SCHIP1: variants seen among roughly 807,000 people sequenced by gnomAD.
SCHIP1 encodes schwannomin interacting protein 1.
A neutral mutation model predicts 29.7 loss-of-function variants in SCHIP1; 8 were observed. The observed-to-expected ratio is 0.27, with a 90% CI of 0.16 to 0.49. The LOEUF (loss-of-function observed/expected upper bound fraction) is 0.49, where lower values mean the gene tolerates loss of function less well. Among genes scored for constraint, SCHIP1 ranks in the 20% least tolerant of loss-of-function variants. The probability of loss-of-function intolerance (pLI) is 0.99; values close to 1 mark genes in which losing one functional copy is unlikely to be tolerated. For missense variants in SCHIP1, 193 were observed against 294.6 expected, an observed-to-expected ratio of 0.66 and a Z score of 2.52; for synonymous variants, 76 against 94.9, an observed-to-expected ratio of 0.80 and a Z score of 1.16.
the SCHIP1 span, among the ~76,000 whole-genome samples, chr3:159,726,361 ATGT>A: frequency 6.6e-6 from 1 of 152,166 alleles, no homozygotes; most frequent in Admixed American, 6.6e-5. Flanking sequence ...AGGTGCAGAA[ATGT>A]TGCATTTTTT....
the SCHIP1 span, among the ~76,000 whole-genome samples, chr3:159,290,132 C>T: frequency 6.6e-6 from 1 of 151,362 alleles, no homozygotes; most frequent in Non-Finnish European, 1.5e-5. Context: ...CCATCGAAGA[C>T]AACTAAAAAA....
the SCHIP1 span, among the ~76,000 whole-genome samples, chr3:159,834,401 T>C: frequency 6.6e-6 from 1 of 152,224 alleles, no homozygotes; most frequent in Non-Finnish European, 1.5e-5. Context: ...ATTTAACTCA[T>C]CTTCGTCATA....
the SCHIP1 span, among the ~76,000 whole-genome samples, chr3:159,352,601 G>A: frequency 6.6e-6 from 1 of 152,196 alleles, no homozygotes; most frequent in South Asian, 2.1e-4. Flanking sequence ...ATGTAGACTT[G>A]TGTAAGCACC....
the SCHIP1 span, among the ~76,000 whole-genome samples, chr3:159,360,384 G>T: frequency 6.6e-6 from 1 of 152,260 alleles, no homozygotes; most frequent in African/African-American, 2.4e-5. Flanking sequence ...ACAGGAAATA[G>T]AACAATTCTA....
the SCHIP1 span, among the ~76,000 whole-genome samples, chr3:159,456,125 G>C: frequency 3.9e-5 from 6 of 152,134 alleles, no homozygotes; most frequent in Non-Finnish European, 7.4e-5. Flanking sequence ...TAGGATGACT[G>C]ATCACATTCC....
the SCHIP1 span, among the ~76,000 whole-genome samples, chr3:159,754,276 C>A: frequency 6.6e-6 from 1 of 152,162 alleles, no homozygotes. Context: ...ATGAGAGTTC[C>A]TTTGATCACA....
At chr3:159,741,775 G>A in the SCHIP1 span, among the ~76,000 whole-genome samples, 1 of 152,230 alleles carries the variant, frequency 6.6e-6, no homozygotes, top group Admixed American at 6.5e-5. Flanking sequence ...GGCAGCAGAG[G>A]TGGCAACCCC....
chr3:159,409,315 C>T, the SCHIP1 span, among the ~76,000 whole-genome samples: 1 of 151,804 alleles, frequency 6.6e-6, no homozygotes, highest in South Asian at 2.1e-4. Flanking sequence ...AAAAAAAAGG[C>T]ACCCAAATTA....
intron 1 of SCHIP1, among the ~76,000 whole-genome samples, chr3:159,853,629 C>T (rs919414917): frequency 4.6e-5 from 7 of 152,314 alleles, no homozygotes; most frequent in Admixed American, 1.3e-4. Flanking sequence ...GTTCTTTCTG[C>T]TTTTCCCAGC....
chr3:159,586,128 T>C, the SCHIP1 span, among the ~76,000 whole-genome samples: 1 of 151,556 alleles, frequency 6.6e-6, no homozygotes, highest in East Asian at 1.9e-4. Context: ...GGATTTGCAA[T>C]TGGAAAAAAA....
chr3:159,468,732 AATATAAT>A, the SCHIP1 span, among the ~76,000 whole-genome samples: 228 of 143,164 alleles, frequency 1.6e-3, 2 homozygotes, highest in African/African-American at 5.1e-3. Context: ...ATATATATAT[AATATAAT>A]ATATAATATA....
At chr3:159,551,874 T>A in the SCHIP1 span, among the ~76,000 whole-genome samples, 1 of 152,004 alleles carries the variant, frequency 6.6e-6, no homozygotes, top group East Asian at 1.9e-4. Flanking sequence ...TATCCCCAGT[T>A]GATGTTACTA....
chr3:159,737,078 T>C, the SCHIP1 span, among the ~76,000 whole-genome samples: 1 of 152,138 alleles, frequency 6.6e-6, no homozygotes, highest in Non-Finnish European at 1.5e-5. Flanking sequence ...TCCTTTGTGT[T>C]TATGGCAAAT....
At chr3:159,367,700 C>G in the SCHIP1 span, among the ~76,000 whole-genome samples, 3 of 152,046 alleles carry the variant, frequency 2.0e-5, no homozygotes, top group African/African-American at 7.2e-5. Context: ...CTCTCTCACA[C>G]AGAGTTATGA....
the SCHIP1 span, among the ~76,000 whole-genome samples, chr3:159,745,469 G>T: frequency 3.9e-5 from 6 of 152,194 alleles, no homozygotes; most frequent in African/African-American, 1.4e-4. Flanking sequence ...CAGATGCCTA[G>T]TAATAATCAC....
the SCHIP1 span, among the ~76,000 whole-genome samples, chr3:159,405,276 G>A: frequency 6.6e-6 from 1 of 152,112 alleles, no homozygotes; most frequent in African/African-American, 2.4e-5. Context: ...CAGGGAAACA[G>A]GACCTCACCA....
chr3:159,409,287 G>C, the SCHIP1 span, among the ~76,000 whole-genome samples: 1 of 151,756 alleles, frequency 6.6e-6, no homozygotes, highest in Admixed American at 6.6e-5. Context: ...TTCCTAGCTA[G>C]AGCAATCAGA....
the SCHIP1 span, among the ~76,000 whole-genome samples, chr3:159,537,264 T>C: frequency 6.6e-6 from 1 of 152,168 alleles, no homozygotes; most frequent in African/African-American, 2.4e-5. Context: ...TGAAGGAACA[T>C]CACCCCAAGT....
chr3:159,745,399 C>G, the SCHIP1 span, among the ~76,000 whole-genome samples: 280 of 152,302 alleles, frequency 1.8e-3, 2 homozygotes, highest in African/African-American at 6.1e-3. Context: ...GTTGCCTCTT[C>G]TTTAAGCGGG....
Sources: gnomAD v4.1 joint callset for allele counts (sites outside exome capture counted in the v4.1 genomes callset) on GRCh38, gnomAD v4.1.1 for gene constraint, MANE v1.5 for transcripts, NCBI Gene and HGNC (gene_info 2026-07-23, HGNC 2026-07-21) for gene names.